The following CPEB3 variants were observed in gnomAD, a reference collection of about 807,000 sequenced individuals.
CPEB3 encodes the protein cytoplasmic polyadenylation element-binding protein 3.
In CPEB3, 20 loss-of-function variants were observed where a neutral mutation model predicts 67.2. The observed-to-expected ratio is 0.30, with a 90% confidence interval of 0.21 to 0.43. The LOEUF (loss-of-function observed/expected upper bound fraction) is 0.43. CPEB3 is among the 20% of genes least tolerant of loss of function. The pLI, the probability that CPEB3 is intolerant of heterozygous loss-of-function variation, is 1.00. For synonymous variants in CPEB3, 376 were observed against 393.1 expected (o/e 0.96, Z 0.51); for missense variants, 746 against 968.6 (o/e 0.77, Z 3.05).
intron 4 of CPEB3, among the ~76,000 whole-genome samples, chr10:92,154,697 A>G (rs1248724224): frequency 6.6e-6 from 1 of 152,184 alleles, no homozygotes; most frequent in African/African-American, 2.4e-5. Context: ...GCCTCTGGTC[A>G]TGGCAATCTC....
intron 2 of CPEB3, among the ~76,000 whole-genome samples, chr10:92,199,144 C>A (rs1006889394): frequency 1.3e-5 from 2 of 152,172 alleles, no homozygotes; most frequent in Non-Finnish European, 1.5e-5. Flanking sequence ...GTAATCCCAG[C>A]ACTTTGGGAG....
intron 4 of CPEB3, among the ~76,000 whole-genome samples, chr10:92,152,981 CA>C (rs1847033808): frequency 6.6e-6 from 1 of 152,124 alleles, no homozygotes; most frequent in South Asian, 2.1e-4. Flanking sequence ...TGGCCCCTCC[CA>C]GATTAAATTC....
At chr10:92,245,180 C>G (rs1464986528) in intron 1 of CPEB3, among the ~76,000 whole-genome samples, 1 of 148,498 alleles carries the variant, frequency 6.7e-6, no homozygotes, top group East Asian at 2.0e-4. Context: ...CTCTGTCACC[C>G]AGGCTGGAGT....
chr10:92,163,513 TAA>T (rs1163424881), intron 4 of CPEB3, among the ~76,000 whole-genome samples: 1 of 152,186 alleles, frequency 6.6e-6, no homozygotes, highest in African/African-American at 2.4e-5. Context: ...GTAGGCATCA[TAA>T]AATTATTCAA....
chr10:92,133,077 A>G (rs1321821762), intron 6 of CPEB3, among the ~76,000 whole-genome samples: 1 of 152,224 alleles, frequency 6.6e-6, no homozygotes, highest in African/African-American at 2.4e-5. Context: ...AAAGATCTAA[A>G]ATCAACACCC....
At chr10:92,095,274 C>T (rs945975225) in intron 7 of CPEB3, among the ~76,000 whole-genome samples, 3 of 152,154 alleles carry the variant, frequency 2.0e-5, no homozygotes, top group Non-Finnish European at 4.4e-5. Context: ...CTGATTAACC[C>T]TATTCACGAA....
At chr10:92,205,003 C>T (rs773478685) in intron 2 of CPEB3, among the ~76,000 whole-genome samples, 3 of 151,822 alleles carry the variant, frequency 2.0e-5, no homozygotes, top group Non-Finnish European at 2.9e-5. Flanking sequence ...CGATGTCCAG[C>T]GAATTTTTGT....
chr10:92,128,016 C>T (rs1293673738), intron 6 of CPEB3, among the ~76,000 whole-genome samples: 3 of 152,172 alleles, frequency 2.0e-5, no homozygotes, highest in African/African-American at 7.2e-5. Context: ...CTAAGCACAA[C>T]ATTTGATACA....
At chr10:92,219,305 C>T (rs1850585937) in intron 2 of CPEB3, among the ~76,000 whole-genome samples, 1 of 152,172 alleles carries the variant, frequency 6.6e-6, no homozygotes, top group Admixed American at 6.5e-5. Context: ...GCTGAAGCAT[C>T]CTTTTACCCA....
chr10:92,257,729 T>TC (rs1852582071), intron 1 of CPEB3, among the ~76,000 whole-genome samples: 1 of 63,062 alleles, frequency 1.6e-5, no homozygotes, highest in Admixed American at 1.4e-4. Context: ...ACCTCAACTC[T>TC]TTTTTTTTTT....
chr10:92,219,692 C>G (rs1282037662), intron 2 of CPEB3, among the ~76,000 whole-genome samples: 1 of 152,146 alleles, frequency 6.6e-6, no homozygotes, highest in African/African-American at 2.4e-5. Flanking sequence ...TCTGGAATAA[C>G]ATTTCATATT....
chr10:92,148,902 C>CTT (rs35237832), intron 4 of CPEB3, among the ~76,000 whole-genome samples: 31 of 131,268 alleles, frequency 2.4e-4, no homozygotes, highest in East Asian at 4.2e-4. Context: ...CTAATACTGG[C>CTT]TTTTTTTTTT....
chr10:92,098,096 T>C (rs1190428794), intron 7 of CPEB3, among the ~76,000 whole-genome samples: 1 of 125,410 alleles, frequency 8.0e-6, no homozygotes, highest in East Asian at 2.7e-4. Flanking sequence ...AGGAAGTGGA[T>C]GCTACGGTGA....
intron 1 of CPEB3, among the ~76,000 whole-genome samples, chr10:92,279,048 G>T (rs1244118369): frequency 6.6e-6 from 1 of 150,470 alleles, no homozygotes; most frequent in Non-Finnish European, 1.5e-5. Flanking sequence ...TTGACTAATT[G>T]ACCTGGCTAG....
intron 8 of CPEB3, among the ~76,000 whole-genome samples, chr10:92,084,993 C>T (rs1223926194): frequency 6.6e-6 from 1 of 152,154 alleles, no homozygotes; most frequent in Non-Finnish European, 1.5e-5. Context: ...AGTGAGTCTT[C>T]ATTCAGCATA....
intron 9 of CPEB3, among the ~76,000 whole-genome samples, chr10:92,062,868 C>T (rs1252981161): frequency 2.0e-5 from 3 of 152,212 alleles, no homozygotes; most frequent in African/African-American, 7.2e-5. Flanking sequence ...CTGATCAGAT[C>T]GTTAAGCTGA....
intron 9 of CPEB3, among the ~76,000 whole-genome samples, chr10:92,069,562 G>A (rs1370003474): frequency 6.6e-6 from 1 of 152,026 alleles, no homozygotes; most frequent in Non-Finnish European, 1.5e-5. Flanking sequence ...TACCACTACC[G>A]TCCAGCTAAT....
intron 1 of CPEB3, among the ~76,000 whole-genome samples, chr10:92,283,722 C>CTTTTTTTTTTTTTTTTTTTTT (rs869248048): frequency 9.2e-6 from 1 of 108,952 alleles, no homozygotes; most frequent in Non-Finnish European, 1.9e-5. Context: ...CTTTTTCTTT[C>CTTTTTTTTTTTTTTTTTTTTT]TTTTTTTTTT....
intron 6 of CPEB3, among the ~76,000 whole-genome samples, chr10:92,125,401 T>C (rs1176028956): frequency 6.6e-6 from 1 of 152,224 alleles, no homozygotes; most frequent in Non-Finnish European, 1.5e-5. Flanking sequence ...CATCATTGCC[T>C]TTGCCCAAGA....
Sources: allele counts gnomAD v4.1 joint callset (sites outside exome capture counted in the v4.1 genomes callset), GRCh38; gene constraint gnomAD v4.1.1; transcripts MANE v1.5; gene names NCBI Gene and HGNC (gene_info 2026-07-23, HGNC 2026-07-21).